The following WWC1 variants were observed in gnomAD, a reference collection of about 807,000 sequenced individuals.
The protein encoded by WWC1 is protein KIBRA.
A neutral mutation model predicts 138.4 loss-of-function variants in WWC1; 55 were observed. That is an observed-to-expected ratio of 0.40 (90% confidence interval 0.32 to 0.50). The LOEUF is 0.50. Among genes scored for constraint, WWC1 ranks in the 20% least tolerant of loss-of-function variants. The pLI is 0.72. For synonymous variants in WWC1, 524 were observed against 564.9 expected (o/e 0.93, Z 1.03); for missense variants, 1,226 against 1,420.4 (o/e 0.86, Z 2.20).
intron 1 of WWC1, among the ~76,000 whole-genome samples, chr5:168,293,130 G>C (rs962971010): frequency 6.6e-6 from 1 of 152,242 alleles, no homozygotes; most frequent in African/African-American, 2.4e-5. Flanking sequence ...TGGAGCCTGA[G>C]ATAGCTCGGT....
chr5:168,372,839 T>C (rs1776860722), intron 2 of WWC1, among the ~76,000 whole-genome samples: 1 of 152,260 alleles, frequency 6.6e-6, no homozygotes, highest in African/African-American at 2.4e-5. Context: ...GCAGAGACTG[T>C]GTCTAATTCA....
intron 1 of WWC1, among the ~76,000 whole-genome samples, chr5:168,317,060 G>A (rs752163381): frequency 4.0e-4 from 61 of 152,204 alleles, no homozygotes; most frequent in Non-Finnish European, 6.0e-4. Flanking sequence ...GCCACGTACT[G>A]AGGGATTTTA....
chr5:168,347,679 C>G (rs914902159), intron 1 of WWC1, among the ~76,000 whole-genome samples: 1 of 152,084 alleles, frequency 6.6e-6, no homozygotes, highest in Admixed American at 6.6e-5. Context: ...GAAGAGCAAT[C>G]TATGTGATGA....
chr5:168,397,423 T>C (rs1582151758), intron 3 of WWC1, among the ~76,000 whole-genome samples: 1 of 152,172 alleles, frequency 6.6e-6, no homozygotes, highest in East Asian at 1.9e-4. Context: ...GATTATAAGC[T>C]TCAGCCACTG....
intron 17 of WWC1, among the ~76,000 whole-genome samples, chr5:168,450,672 AT>A (rs1561784507): frequency 6.6e-6 from 1 of 151,878 alleles, no homozygotes; most frequent in African/African-American, 2.4e-5. Flanking sequence ...TCTCAAAAAA[AT>A]AAAATAAAAT....
At chr5:168,339,522 C>T (rs1773794076) in intron 1 of WWC1, among the ~76,000 whole-genome samples, 1 of 152,196 alleles carries the variant, frequency 6.6e-6, no homozygotes, top group Non-Finnish European at 1.5e-5. Context: ...GTGGCTTTCC[C>T]TGGTTCTGCC....
chr5:168,331,903 T>G (rs1040942289), intron 1 of WWC1, among the ~76,000 whole-genome samples: 1 of 152,182 alleles, frequency 6.6e-6, no homozygotes, highest in Non-Finnish European at 1.5e-5. Flanking sequence ...CCCAGCACTT[T>G]GGGAGGCCAA....
rs377079763 is a variant in WWC1, at chr5:168,341,168, G to T, written c.120-30256G>T. 1.1e-4 allele frequency among the ~76,000 whole-genome samples: 17 copies of T among 152,274 alleles called. No individual in the cohort carries two copies. The East Asian group carries it at 2.7e-3, about 24-fold the overall frequency. On this transcript the variant is annotated intron_variant, in intron 1 of 22. Transcript: ENST00000265293. ...GACAGCTGCGTTAAGGATTACAGTC[G>T]AGAGTTGCAAGGTTCTGGCAGGTAG...
chr5:168,410,088 G>A (rs1021846994), intron 8 of WWC1, 93 bp downstream of exon 8: 35 of 1,222,328 alleles, frequency 2.9e-5, no homozygotes, highest in Non-Finnish European at 3.4e-5. Flanking sequence ...CACACACTTC[G>A]TCTTCTTTAA....
chr5:168,294,952 C>T (rs776844197), intron 1 of WWC1, among the ~76,000 whole-genome samples: 4 of 152,182 alleles, frequency 2.6e-5, no homozygotes, highest in Non-Finnish European at 5.9e-5. Flanking sequence ...TAAACTTCAT[C>T]TCTGTACCTC....
intron 9 of WWC1, among the ~76,000 whole-genome samples, chr5:168,421,290 G>T (rs765313668): frequency 1.3e-5 from 2 of 152,152 alleles, no homozygotes; most frequent in Non-Finnish European, 2.9e-5. Context: ...CCGGCCACAG[G>T]GAAGGCTGGG....
At chr5:168,338,632 C>G (rs1005493544) in intron 1 of WWC1, among the ~76,000 whole-genome samples, 1 of 151,990 alleles carries the variant, frequency 6.6e-6, no homozygotes, top group African/African-American at 2.4e-5. Context: ...AGGCTGGTCT[C>G]GAACTCCCGG....
Position 168,425,409 on chromosome 5 carries a change from G to A in WWC1, c.1810+1341G>A, listed in dbSNP as rs140551797. 2.0e-3 allele frequency among the ~76,000 whole-genome samples: 302 copies of A among 152,040 alleles called. 1 individual carries two copies. In the Middle Eastern group the frequency reaches 0.027, roughly 14 times the overall value. On this transcript the variant is annotated intron_variant, in intron 11 of 22. Coordinates refer to ENST00000265293, the MANE Select transcript of WWC1 (RefSeq NM_015238.3). Reference sequence around the variant, plus strand: ...CATAGCTATGATATATAGCGTACAGGTGTTTAGGATTTAGGTACTTCTCTG... The same window carrying A: ...CATAGCTATGATATATAGCGTACAGATGTTTAGGATTTAGGTACTTCTCTG...
intron 9 of WWC1, among the ~76,000 whole-genome samples, chr5:168,417,888 T>C (rs1264209301): frequency 6.6e-6 from 1 of 152,068 alleles, no homozygotes; most frequent in Non-Finnish European, 1.5e-5. Context: ...TCTCCCACAG[T>C]GGGGAGACGG....
chr5:168,340,801 C>T (rs563609720), intron 1 of WWC1, among the ~76,000 whole-genome samples: 4 of 152,318 alleles, frequency 2.6e-5, no homozygotes, highest in Admixed American at 6.5e-5. Context: ...TGAACATTCA[C>T]GTACAAACTT....
intron 17 of WWC1, among the ~76,000 whole-genome samples, chr5:168,450,406 G>A (rs936317281): frequency 6.6e-5 from 10 of 152,060 alleles, no homozygotes; most frequent in African/African-American, 1.2e-4. Flanking sequence ...GGTGACTCAC[G>A]CCTGTAATTT....
chr5:168,301,499 G>A (rs553185322), intron 1 of WWC1, among the ~76,000 whole-genome samples: 4 of 152,206 alleles, frequency 2.6e-5, no homozygotes, highest in East Asian at 1.9e-4. Context: ...TTAGCCAGGC[G>A]TGGTAGCAGG....
intron 3 of WWC1, among the ~76,000 whole-genome samples, chr5:168,393,265 G>T (rs1391516148): frequency 1.3e-5 from 2 of 152,110 alleles, no homozygotes; most frequent in African/African-American, 2.4e-5. Flanking sequence ...GACTGAAAGG[G>T]TTCACTGAGT....
At chr5:168,414,786 G>A in intron 9 of WWC1, 196 bp downstream of exon 9, 2 of 772,350 alleles carry the variant, frequency 2.6e-6, no homozygotes, top group East Asian at 2.9e-5. Context: ...AGCTACCCTG[G>A]AATTTTGCAT....
Sources: gnomAD v4.1 joint callset for allele counts (sites outside exome capture counted in the v4.1 genomes callset) on GRCh38, gnomAD v4.1.1 for gene constraint, MANE v1.5 for transcripts, NCBI Gene and HGNC (gene_info 2026-07-23, HGNC 2026-07-21) for gene names.